The following NPSR1 variants were observed in gnomAD, a reference collection of about 807,000 sequenced individuals.
NPSR1 encodes the protein neuropeptide S receptor.
NPSR1 carries 48 observed loss-of-function variants against 46.9 expected under a neutral mutation model. The ratio of observed to expected loss-of-function variants is 1.02; its 90% CI spans 0.81 to 1.30. NPSR1 has a LOEUF of 1.30. Among genes scored for constraint, NPSR1 ranks in the 50% most tolerant of loss-of-function variants. NPSR1 has a pLI of 0.00. For synonymous variants in NPSR1, 176 were observed against 168.1 expected (o/e 1.05, Z -0.36); for missense variants, 450 against 449.5 (o/e 1.00, Z -0.01).
At chr7:34,818,003 G>A (rs1038493165) in intron 4 of NPSR1, among the ~76,000 whole-genome samples, 15 of 151,928 alleles carry the variant, frequency 9.9e-5, no homozygotes, top group South Asian at 4.2e-4. Flanking sequence ...TTTGAAAACC[G>A]GCACAAGACA....
intron 6 of NPSR1, among the ~76,000 whole-genome samples, chr7:34,835,856 C>T (rs1287773711): frequency 6.6e-6 from 1 of 152,172 alleles, no homozygotes; most frequent in Non-Finnish European, 1.5e-5. Context: ...GGAGGTTTTA[C>T]AATGCACCGA....
chr7:34,821,494 G>A (rs1789560089), intron 4 of NPSR1, among the ~76,000 whole-genome samples: 1 of 152,118 alleles, frequency 6.6e-6, no homozygotes, highest in South Asian at 2.1e-4. Flanking sequence ...GAATGTGGTG[G>A]ACAAAAGGAC....
At chr7:34,801,772 T>C (rs1240189142) in intron 3 of NPSR1, among the ~76,000 whole-genome samples, 4 of 148,740 alleles carry the variant, frequency 2.7e-5, no homozygotes, top group Non-Finnish European at 5.9e-5. Context: ...AAAGAGGAAG[T>C]CAAATTGTCC....
chr7:34,815,503 A>C (rs914800713), intron 4 of NPSR1, among the ~76,000 whole-genome samples: 5 of 152,218 alleles, frequency 3.3e-5, no homozygotes, highest in African/African-American at 1.2e-4. Context: ...ACTCTTCATG[A>C]TATTATCCAG....
At chr7:34,812,205 T>C (rs1789019732) in intron 4 of NPSR1, among the ~76,000 whole-genome samples, 1 of 152,170 alleles carries the variant, frequency 6.6e-6, no homozygotes, top group South Asian at 2.1e-4. Context: ...CATGCATACC[T>C]GTCCAAAGAA....
intron 2 of NPSR1, among the ~76,000 whole-genome samples, chr7:34,722,808 A>T (rs1783929279): frequency 6.6e-6 from 1 of 152,190 alleles, no homozygotes; most frequent in East Asian, 1.9e-4. Context: ...ATCAACATGG[A>T]GGGAAGTGTC....
At position 34,839,976 on chromosome 7, in the gene NPSR1, G is replaced by A. The variant is rs552724099; in HGVS notation, c.758-4920G>A. On this transcript the variant is annotated intron_variant, in intron 6 of 8. Coordinates refer to ENST00000360581, the MANE Select transcript of NPSR1 (RefSeq NM_207172.2). Reference sequence around the variant, plus strand: ...GTGTGCCCTGGGGAAACAGGAATGGGTTTTGTGAACAGCTCGTCTGTCTTT... The same window carrying A: ...GTGTGCCCTGGGGAAACAGGAATGGATTTTGTGAACAGCTCGTCTGTCTTT... Among the ~76,000 whole-genome samples the A allele has an allele frequency of 3.9e-5, 6 of 152,256 alleles. No homozygotes were observed. The South Asian group carries it at 1.2e-3, about 32-fold the overall frequency.
chr7:34,795,698 A>T (rs574295610), intron 3 of NPSR1, among the ~76,000 whole-genome samples: 2 of 152,298 alleles, frequency 1.3e-5, no homozygotes, highest in East Asian at 3.9e-4. Flanking sequence ...TAAATTTAAT[A>T]AAATATGTGC....
chr7:34,867,018 G>A (rs1218052173), intron 8 of NPSR1, among the ~76,000 whole-genome samples: 5 of 151,596 alleles, frequency 3.3e-5, no homozygotes. Flanking sequence ...GCAAGACTGA[G>A]CCCTTCCACT....
chr7:34,822,005 C>T (rs918305634), intron 4 of NPSR1, among the ~76,000 whole-genome samples: 1 of 152,124 alleles, frequency 6.6e-6, no homozygotes, highest in African/African-American at 2.4e-5. Context: ...AAGAAGCCAT[C>T]CAAATACCAG....
At chr7:34,714,304 G>A (rs1482858946) in intron 2 of NPSR1, among the ~76,000 whole-genome samples, 1 of 152,216 alleles carries the variant, frequency 6.6e-6, no homozygotes, top group Admixed American at 6.5e-5. Context: ...ATGAGTCCCA[G>A]CTCCAGCCAG....
At chr7:34,775,507 T>C (rs1236003965) in intron 2 of NPSR1, among the ~76,000 whole-genome samples, 2 of 150,566 alleles carry the variant, frequency 1.3e-5, no homozygotes, top group Non-Finnish European at 3.0e-5. Context: ...TTATAAGTTC[T>C]TGTTATTTGT....
Position 34,837,962 on chromosome 7 carries a change from C to T in NPSR1, c.757+3502C>T, listed in dbSNP as rs373795424. ...GCCAAGGTCTTCCTGTACTTTCAGA[C>T]GAATCAGATTGGTGTAAACCCCTGT... On this transcript the variant is annotated intron_variant, in intron 6 of 8. Transcript: ENST00000360581. Among the ~76,000 whole-genome samples, 43 of 152,292 alleles carry T rather than the reference C, an allele frequency of 2.8e-4. No individual in the cohort carries two copies. In the East Asian group the frequency reaches 3.5e-3, roughly 12 times the overall value.
intron 2 of NPSR1, among the ~76,000 whole-genome samples, chr7:34,770,520 T>A (rs2128732949): frequency 6.6e-6 from 1 of 152,300 alleles, no homozygotes; most frequent in South Asian, 2.1e-4. Flanking sequence ...TATGGTGAAC[T>A]ATACCATGTG....
At chr7:34,725,480 AG>A (rs1198521042) in intron 2 of NPSR1, among the ~76,000 whole-genome samples, 1 of 152,188 alleles carries the variant, frequency 6.6e-6, no homozygotes, top group Non-Finnish European at 1.5e-5. Context: ...TAATCTACCC[AG>A]GCTGCACACC....
intron 2 of NPSR1, among the ~76,000 whole-genome samples, chr7:34,695,413 G>A (rs148805477): frequency 6.6e-6 from 1 of 152,130 alleles, no homozygotes; most frequent in Non-Finnish European, 1.5e-5. Flanking sequence ...AAGAATTTAT[G>A]ACAAAGACCC....
intron 2 of NPSR1, among the ~76,000 whole-genome samples, chr7:34,745,950 A>T (rs1047105650): frequency 6.6e-6 from 1 of 152,242 alleles, no homozygotes; most frequent in Non-Finnish European, 1.5e-5. Context: ...CACTCATGAG[A>T]AAATGAAAGT....
chr7:34,877,511 A>G (rs577271270), intron 8 of NPSR1, among the ~76,000 whole-genome samples: 1 of 152,324 alleles, frequency 6.6e-6, no homozygotes, highest in African/African-American at 2.4e-5. Flanking sequence ...TCAGAGGCAC[A>G]GCCTCAGAAA....
chr7:34,813,303 A>G (rs1318879967), intron 4 of NPSR1, among the ~76,000 whole-genome samples: 1 of 152,204 alleles, frequency 6.6e-6, no homozygotes. Context: ...TTTAATATTC[A>G]TAATATCTCT....
Sources: gnomAD v4.1 joint callset for allele counts (sites outside exome capture counted in the v4.1 genomes callset) on GRCh38, gnomAD v4.1.1 for gene constraint, MANE v1.5 for transcripts, NCBI Gene and HGNC (gene_info 2026-07-23, HGNC 2026-07-21) for gene names.